Variants in NRXN1 observed in about 807,000 individuals in gnomAD.
The protein encoded by NRXN1 is neurexin-1.
In NRXN1, 39 loss-of-function variants were observed where a neutral mutation model predicts 150.9. The observed-to-expected ratio is 0.26, with a 90% CI of 0.20 to 0.34. The LOEUF (loss-of-function observed/expected upper bound fraction) is 0.34. Ranked by LOEUF, NRXN1 falls within the 10% of genes least tolerant of loss-of-function variation. NRXN1 has a pLI of 1.00. For synonymous variants in NRXN1, 924 were observed against 757.0 expected (o/e 1.22, Z -3.62); for missense variants, 1,815 against 1,949.9 (o/e 0.93, Z 1.30).
chr2:50,518,629 T>C (rs530770129), intron 12 of NRXN1, among the ~76,000 whole-genome samples: 1 of 136,558 alleles, frequency 7.3e-6, no homozygotes, highest in South Asian at 2.6e-4. Context: ...AACGAAGCCA[T>C]GGATTATAGT....
intron 2 of NRXN1, among the ~76,000 whole-genome samples, chr2:50,961,951 T>G (rs1358625647): frequency 7.1e-6 from 1 of 141,674 alleles, no homozygotes; most frequent in African/African-American, 2.7e-5. Flanking sequence ...ATTTCTGGAC[T>G]AGGCCTGCTA....
chr2:49,967,679 G>A (rs1049623284), intron 21 of NRXN1, among the ~76,000 whole-genome samples: 1 of 152,108 alleles, frequency 6.6e-6, no homozygotes, highest in Non-Finnish European at 1.5e-5. Context: ...GCTAGGTAGA[G>A]TGAAATAGGC....
At chr2:50,024,486 G>A (rs1053780087) in intron 21 of NRXN1, among the ~76,000 whole-genome samples, 2 of 152,136 alleles carry the variant, frequency 1.3e-5, no homozygotes, top group Non-Finnish European at 2.9e-5. Context: ...AAAGCTAACA[G>A]TTTCCTTTAA....
At chr2:50,251,390 C>T (rs1292545251) in intron 17 of NRXN1, among the ~76,000 whole-genome samples, 2 of 152,080 alleles carry the variant, frequency 1.3e-5, no homozygotes, top group Non-Finnish European at 2.9e-5. Context: ...CATAGTATTC[C>T]ATAGTGTAAT....
At chr2:50,187,649 T>A (rs1036036430) in intron 18 of NRXN1, among the ~76,000 whole-genome samples, 67 of 152,218 alleles carry the variant, frequency 4.4e-4, no homozygotes, top group African/African-American at 1.5e-3. Flanking sequence ...GGTAGCTTCA[T>A]GGGGATGGCA....
At chr2:50,156,106 T>G (rs1199956703) in intron 18 of NRXN1, among the ~76,000 whole-genome samples, 2 of 151,750 alleles carry the variant, frequency 1.3e-5, no homozygotes, top group South Asian at 2.1e-4. Flanking sequence ...TCTCTTTGTA[T>G]TCTATAAAGT....
intron 10 of NRXN1, among the ~76,000 whole-genome samples, chr2:50,532,057 C>A (rs569375646): frequency 6.6e-6 from 1 of 151,984 alleles, no homozygotes; most frequent in Non-Finnish European, 1.5e-5. Flanking sequence ...CCCTTTGTTG[C>A]CAAGGCTGGT....
intron 17 of NRXN1, among the ~76,000 whole-genome samples, chr2:50,240,902 A>G (rs373304463): frequency 6.6e-6 from 1 of 151,884 alleles, no homozygotes; most frequent in African/African-American, 2.4e-5. Flanking sequence ...CTGTAAAAAT[A>G]TAAAATAATG....
At chr2:50,385,304 G>A (rs1484759333) in intron 17 of NRXN1, among the ~76,000 whole-genome samples, 4 of 152,168 alleles carry the variant, frequency 2.6e-5, no homozygotes, top group African/African-American at 9.6e-5. Context: ...CACTGTTCAT[G>A]TACACATGGT....
intron 12 of NRXN1, among the ~76,000 whole-genome samples, chr2:50,518,665 A>G (rs2092695961): frequency 6.6e-6 from 1 of 151,932 alleles, no homozygotes; most frequent in African/African-American, 2.4e-5. Flanking sequence ...TTAAAATTAA[A>G]TATATCATTC....
At chr2:50,688,776 C>CT (rs1305377157) in intron 5 of NRXN1, among the ~76,000 whole-genome samples, 2 of 152,126 alleles carry the variant, frequency 1.3e-5, no homozygotes, top group Non-Finnish European at 2.9e-5. Context: ...TAAAATTAGT[C>CT]TGAAATCCAG....
At chr2:49,934,973 T>A (rs1470154242) in intron 22 of NRXN1, among the ~76,000 whole-genome samples, 2 of 152,228 alleles carry the variant, frequency 1.3e-5, no homozygotes, top group East Asian at 3.8e-4. Context: ...AGAAATACTT[T>A]GAAAAACTTG....
chr2:50,420,333 T>C (rs780037232), intron 17 of NRXN1, among the ~76,000 whole-genome samples: 3 of 151,900 alleles, frequency 2.0e-5, no homozygotes, highest in East Asian at 1.9e-4. Flanking sequence ...AGTCATTAAA[T>C]AGGCCCACAG....
chr2:50,521,617 G>A (rs1014667), intron 12 of NRXN1, among the ~76,000 whole-genome samples: 1 of 152,144 alleles, frequency 6.6e-6, no homozygotes, highest in African/African-American at 2.4e-5. Flanking sequence ...ATGATTTAAA[G>A]AGCCTTGCCC....
At chr2:50,877,216 T>C (rs201248709) in intron 5 of NRXN1, among the ~76,000 whole-genome samples, 3 of 151,426 alleles carry the variant, frequency 2.0e-5, no homozygotes, top group East Asian at 2.0e-4. Flanking sequence ...CACATATATA[T>C]ACACACATAC....
intron 21 of NRXN1, among the ~76,000 whole-genome samples, chr2:50,027,790 G>T (rs993517849): frequency 6.6e-6 from 1 of 152,068 alleles, no homozygotes; most frequent in Non-Finnish European, 1.5e-5. Context: ...CTAAACAGGG[G>T]AAACTTCTAT....
chr2:50,707,652 C>A (rs995485791), intron 5 of NRXN1, among the ~76,000 whole-genome samples: 2 of 152,162 alleles, frequency 1.3e-5, no homozygotes, highest in Non-Finnish European at 2.9e-5. Flanking sequence ...GACTGCAGAA[C>A]TCCTTGCCAT....
chr2:49,922,181 G>A lies in NRXN1; in HGVS notation c.4287C>T (p.Ser1429=), dbSNP rs1436222698. The change falls in exon 23 of 23, where the codon AGC becomes AGT. Residue 1429 remains serine, a synonymous_variant. Transcript: ENST00000401669. The part of the protein sequence containing the change: ...GSAEVIRESS[S]TTGMVVGIVA... ...CTATCCCAACGACCATACCCGTGGT[G>A]CTGCTGGACTCCCGGATCACTTCTG... 4.3e-6 allele frequency: 7 copies of A among 1,614,056 alleles called. No homozygotes were observed. In the South Asian group the frequency reaches 5.5e-5, roughly 13 times the overall value.
chr2:50,245,232 G>T (rs2066388049), intron 17 of NRXN1, among the ~76,000 whole-genome samples: 1 of 151,930 alleles, frequency 6.6e-6, no homozygotes, highest in Non-Finnish European at 1.5e-5. Context: ...CTGCTTAAAA[G>T]GCTCTTGGTC....
Sources: gnomAD v4.1 joint callset for allele counts (sites outside exome capture counted in the v4.1 genomes callset) on GRCh38, gnomAD v4.1.1 for gene constraint, MANE v1.5 for transcripts, NCBI Gene and HGNC (gene_info 2026-07-23, HGNC 2026-07-21) for gene names.